AK5: variants seen among roughly 807,000 people sequenced by gnomAD.
AK5 encodes the protein adenylate kinase isoenzyme 5.
In AK5, 27 loss-of-function variants were observed where a neutral mutation model predicts 69.5. The ratio of observed to expected loss-of-function variants is 0.39; its 90% CI spans 0.29 to 0.54. AK5 has a LOEUF of 0.54. Ranked by LOEUF, AK5 falls within the 20% of genes least tolerant of loss-of-function variation. The probability of loss-of-function intolerance (pLI) is 0.71; values close to 1 mark genes in which losing one functional copy is unlikely to be tolerated. For missense variants in AK5, 531 were observed against 700.4 expected, an observed-to-expected ratio of 0.76 and a Z score of 2.73; for synonymous variants, 260 against 244.4, an observed-to-expected ratio of 1.06 and a Z score of -0.60.
chr1:77,485,274 T>C (rs573389003), intron 9 of AK5, among the ~76,000 whole-genome samples: 2 of 152,256 alleles, frequency 1.3e-5, no homozygotes, highest in Non-Finnish European at 2.9e-5. Flanking sequence ...ACTTCTATCC[T>C]CTGTTTCCAG....
intron 8 of AK5, among the ~76,000 whole-genome samples, chr1:77,451,056 G>T (rs1653115073): frequency 6.6e-6 from 1 of 151,902 alleles, no homozygotes; most frequent in African/African-American, 2.4e-5. Context: ...TGTGCCTGTA[G>T]CCCTAGCTAT....
At chr1:77,438,625 A>C (rs1478945169) in intron 8 of AK5, among the ~76,000 whole-genome samples, 1 of 152,204 alleles carries the variant, frequency 6.6e-6, no homozygotes, top group Non-Finnish European at 1.5e-5. Flanking sequence ...AAAAAAGTAC[A>C]AGATTCAAAT....
chr1:77,430,284 T>C (rs1651550499), intron 8 of AK5, among the ~76,000 whole-genome samples: 1 of 152,112 alleles, frequency 6.6e-6, no homozygotes, highest in Non-Finnish European at 1.5e-5. Flanking sequence ...TCAACAGGAC[T>C]TCATGTTGGA....
chr1:77,315,085 T>C (rs1660177042), intron 5 of AK5: 2 of 152,114 alleles, frequency 1.3e-5, no homozygotes, highest in African/African-American at 4.8e-5. Context: ...TCTCATTTTT[T>C]TAAACTTTAA....
chr1:77,503,934 A>T (rs927900561), intron 10 of AK5, among the ~76,000 whole-genome samples: 2 of 151,972 alleles, frequency 1.3e-5, no homozygotes, highest in Non-Finnish European at 1.5e-5. Flanking sequence ...GTTGAAAAAA[A>T]TTTTTCACTG....
intron 9 of AK5, among the ~76,000 whole-genome samples, chr1:77,483,903 G>A (rs1049268138): frequency 6.6e-6 from 1 of 152,108 alleles, no homozygotes; most frequent in Non-Finnish European, 1.5e-5. Flanking sequence ...AGTGGCTCAC[G>A]CCTGTAATCC....
intron 6 of AK5, among the ~76,000 whole-genome samples, chr1:77,401,272 T>C (rs1309602589): frequency 6.6e-6 from 1 of 152,196 alleles, no homozygotes; most frequent in Non-Finnish European, 1.5e-5. Context: ...AGAACACCAA[T>C]CAATCAATCT....
rs116079431 is a variant in AK5 at position 77,559,750 on chromosome 1, C to T, written c.*1080C>T. On this transcript the variant is annotated 3_prime_UTR_variant, in exon 14 of 14. Coordinates refer to ENST00000354567, the MANE Select transcript of AK5 (RefSeq NM_174858.3). The stretch of plus-strand genomic sequence containing the variant: ...TTGGGTTCTCTTTTGTGCTATCAAT[C>T]AGTTGTAAAATCAGAGCTGCTTATA... 73 of 152,298 alleles carry T rather than the reference C, an allele frequency of 4.8e-4. No individual in the cohort carries two copies. Among genetic ancestry groups the T allele is most frequent in the African/African-American group, 1.7e-3 (72 of 41,536 alleles). The allele number at this position is 152,298 out of a possible 1,614,324, so 9.4% of individuals were successfully genotyped here.
In AK5 at chr1:77,404,317, C is replaced by T. The variant is rs115834095; in HGVS notation, c.892-6664C>T. ...TTAGCAGCATCCCTGGCAAGTAGCC[C>T]CCTGACCCCCTGCAAGTGTGACAAC... On this transcript the variant is annotated intron_variant, in intron 6 of 13. Transcript: ENST00000354567. 6.1e-3 allele frequency among the ~76,000 whole-genome samples: 926 copies of T among 152,148 alleles called. 11 individuals carry two copies. Among genetic ancestry groups the T allele is most frequent in the African/African-American group, 0.021 (888 of 41,500 alleles).
At chr1:77,373,357 A>G (rs1391228473) in intron 6 of AK5, among the ~76,000 whole-genome samples, 1 of 152,334 alleles carries the variant, frequency 6.6e-6, no homozygotes, top group East Asian at 1.9e-4. Context: ...ATCTATTACT[A>G]TAATCCCCAA....
At chr1:77,340,082 C>G (rs1661571963) in intron 5 of AK5, among the ~76,000 whole-genome samples, 2 of 152,116 alleles carry the variant, frequency 1.3e-5, no homozygotes, top group African/African-American at 4.8e-5. Flanking sequence ...ATATTTTTAG[C>G]AAAGTTTGGC....
intron 6 of AK5, among the ~76,000 whole-genome samples, chr1:77,401,014 T>C (rs1024962865): frequency 6.0e-5 from 9 of 150,080 alleles, no homozygotes; most frequent in Non-Finnish European, 1.2e-4. Context: ...CATCAAAACA[T>C]GGGACTGACT....
At chr1:77,335,311 C>T (rs1661288994) in intron 5 of AK5, among the ~76,000 whole-genome samples, 1 of 151,314 alleles carries the variant, frequency 6.6e-6, no homozygotes, top group Admixed American at 6.6e-5. Flanking sequence ...TTTGTTGATT[C>T]CGCAGGAGAA....
chr1:77,447,011 G>A (rs796214468), intron 8 of AK5, among the ~76,000 whole-genome samples: 1 of 152,330 alleles, frequency 6.6e-6, no homozygotes, highest in African/African-American at 2.4e-5. Context: ...TGTGCTTGAT[G>A]TTGAAAGTCA....
intron 8 of AK5, among the ~76,000 whole-genome samples, chr1:77,477,178 C>T (rs939298185): frequency 2.0e-5 from 3 of 152,090 alleles, no homozygotes; most frequent in Admixed American, 2.0e-4. Flanking sequence ...CAGGTGCACA[C>T]CACCATGCCC....
At chr1:77,320,841 A>T (rs1384479230) in intron 5 of AK5, among the ~76,000 whole-genome samples, 1 of 152,224 alleles carries the variant, frequency 6.6e-6, no homozygotes, top group Non-Finnish European at 1.5e-5. Flanking sequence ...GTATCACCAG[A>T]GACAGAGGAA....
chr1:77,477,067 A>G (rs951772826), intron 8 of AK5, among the ~76,000 whole-genome samples: 5 of 150,866 alleles, frequency 3.3e-5, no homozygotes, highest in Non-Finnish European at 5.9e-5. Context: ...TCACTCTGTC[A>G]TCCAGGCTAG....
intron 10 of AK5, among the ~76,000 whole-genome samples, chr1:77,497,373 A>T (rs560915436): frequency 6.6e-6 from 1 of 152,324 alleles, no homozygotes; most frequent in South Asian, 2.1e-4. Context: ...ACCCACCGGA[A>T]GGAAGAAACT....
intron 10 of AK5, among the ~76,000 whole-genome samples, chr1:77,496,056 A>G (rs1656295970): frequency 6.6e-6 from 1 of 152,248 alleles, no homozygotes; most frequent in South Asian, 2.1e-4. Context: ...TGTAGGGAGG[A>G]AGCCAACAAA....
Sources: gnomAD v4.1 joint callset for allele counts (sites outside exome capture counted in the v4.1 genomes callset) on GRCh38, gnomAD v4.1.1 for gene constraint, MANE v1.5 for transcripts, NCBI Gene and HGNC (gene_info 2026-07-23, HGNC 2026-07-21) for gene names.